CXCL13: variants seen among roughly 807,000 people sequenced by gnomAD.
CXCL13 encodes the protein C-X-C motif chemokine 13.
A neutral mutation model predicts 12.2 loss-of-function variants in CXCL13; 7 were observed. The ratio of observed to expected loss-of-function variants is 0.57; its 90% CI spans 0.33 to 1.07. The LOEUF (loss-of-function observed/expected upper bound fraction) is 1.07, where lower values mean the gene tolerates loss of function less well. Among genes scored for constraint, CXCL13 ranks in the 50% least tolerant of loss-of-function variants. The pLI is 0.04. For synonymous variants in CXCL13, 47 were observed against 42.4 expected (o/e 1.11, Z -0.42); for missense variants, 113 against 127.4 (o/e 0.89, Z 0.55).
intron 1 of CXCL13, among the ~76,000 whole-genome samples, chr4:77,528,896 G>T (rs953471719): frequency 6.6e-6 from 1 of 152,314 alleles, no homozygotes; most frequent in East Asian, 1.9e-4. Context: ...TTCTTCTAGG[G>T]TTTAAATGGT....
intron 1 of CXCL13, among the ~76,000 whole-genome samples, chr4:77,533,694 A>T (rs1046253816): frequency 2.0e-5 from 3 of 152,110 alleles, no homozygotes; most frequent in Non-Finnish European, 4.4e-5. Context: ...AGTTCGAGCT[A>T]CCAGGCCGCT....
Position 77,605,884 on chromosome 4 carries a change from TC to T in CXCL13, c.20del (p.Ser7PhefsTer25). On this transcript the variant is annotated frameshift_variant, in exon 1 of 4. Coordinates refer to ENST00000682537, the MANE Select transcript of CXCL13 (RefSeq NM_001371558.1). LOFTEE classifies it high-confidence loss of function. ...AGACAGAATGAAGTTCATCTCGACA[TC>T]TCTGCTTCTCATGCTGCTGGTCAGC... MKFIST[S>X]LLLMLLVSSL... The T allele has an allele frequency of 6.2e-7, 1 of 1,607,370 alleles. No individual in the cohort carries two copies. Among genetic ancestry groups the T allele is most frequent in the Non-Finnish European group, 8.5e-7 (1 of 1,175,924 alleles).
chr4:77,611,633 A>G lies in CXCL13; in HGVS notation c.*594A>G, dbSNP rs184565850. ...GCATTCGAAGATCCCCAGACTTCAT[A>G]GAATACTCAGGGAAAGCATTTAAAG... On this transcript the variant is annotated 3_prime_UTR_variant, in exon 4 of 4. Coordinates refer to ENST00000682537, the MANE Select transcript of CXCL13 (RefSeq NM_001371558.1). 3.6e-4 allele frequency: 145 copies of G among 398,996 alleles called. No homozygotes were observed. Among genetic ancestry groups the G allele is most frequent in the African/African-American group, 2.5e-3 (124 of 48,748 alleles). 24.7% of individuals were successfully genotyped at this position (398,996 alleles called of 1,614,324 possible).
intron 1 of CXCL13, among the ~76,000 whole-genome samples, chr4:77,568,728 G>A (rs946764694): frequency 2.4e-4 from 37 of 152,080 alleles, no homozygotes; most frequent in Middle Eastern, 3.4e-3. Context: ...TGGGCTTTTC[G>A]GCATTTGGTT....
intron 1 of CXCL13, among the ~76,000 whole-genome samples, chr4:77,569,599 C>G (rs908825342): frequency 1.3e-5 from 2 of 152,146 alleles, no homozygotes; most frequent in Non-Finnish European, 2.9e-5. Context: ...AGGAGACCTA[C>G]AAGATACTGC....
At chr4:77,544,915 A>G (rs1398293478) in intron 1 of CXCL13, among the ~76,000 whole-genome samples, 1 of 152,158 alleles carries the variant, frequency 6.6e-6, no homozygotes, top group Non-Finnish European at 1.5e-5. Context: ...TCTTGAATTA[A>G]TTTTTGTATA....
chr4:77,572,997 T>C (rs1726124392), intron 1 of CXCL13, among the ~76,000 whole-genome samples: 1 of 151,754 alleles, frequency 6.6e-6, no homozygotes. Flanking sequence ...AAAAACTGAA[T>C]ACCACATGTT....
intron 1 of CXCL13, among the ~76,000 whole-genome samples, chr4:77,576,242 G>T (rs895573963): frequency 6.6e-6 from 1 of 152,164 alleles, no homozygotes; most frequent in African/African-American, 2.4e-5. Context: ...ATAGAAAACT[G>T]AAGTAATGTT....
intron 1 of CXCL13, among the ~76,000 whole-genome samples, chr4:77,585,188 C>T (rs1157231238): frequency 6.6e-6 from 1 of 152,162 alleles, no homozygotes; most frequent in African/African-American, 2.4e-5. Context: ...TGAAACCTGG[C>T]TTTAAAAATT....
chr4:77,543,277 G>A (rs1320279591), intron 1 of CXCL13, among the ~76,000 whole-genome samples: 1 of 151,782 alleles, frequency 6.6e-6, no homozygotes, highest in Non-Finnish European at 1.5e-5. Flanking sequence ...GTAGTCTAGT[G>A]TCTATCAATC....
chr4:77,551,757 A>G (rs115468438), intron 1 of CXCL13, among the ~76,000 whole-genome samples: 6 of 152,224 alleles, frequency 3.9e-5, no homozygotes, highest in Non-Finnish European at 8.8e-5. Flanking sequence ...ACATAATCCC[A>G]TGTTTCTCAA....
At chr4:77,542,158 C>T (rs935837785) in intron 1 of CXCL13, among the ~76,000 whole-genome samples, 4 of 152,044 alleles carry the variant, frequency 2.6e-5, no homozygotes, top group African/African-American at 7.2e-5. Context: ...TCAGAGAAGA[C>T]AGATAGTTTG....
intron 1 of CXCL13, among the ~76,000 whole-genome samples, chr4:77,579,723 T>G (rs1472986688): frequency 6.6e-6 from 1 of 152,180 alleles, no homozygotes; most frequent in East Asian, 1.9e-4. Context: ...TTAAAAATGA[T>G]GTACTCAGCT....
At chr4:77,527,484 TA>T (rs1724796647) in intron 1 of CXCL13, among the ~76,000 whole-genome samples, 1 of 151,932 alleles carries the variant, frequency 6.6e-6, no homozygotes, top group Non-Finnish European at 1.5e-5. Flanking sequence ...ATACAAAAAT[TA>T]ACCATGTGTG....
At chr4:77,553,106 C>T (rs988311941) in intron 1 of CXCL13, among the ~76,000 whole-genome samples, 3 of 152,120 alleles carry the variant, frequency 2.0e-5, no homozygotes, top group African/African-American at 7.2e-5. Flanking sequence ...GATTGGTGTA[C>T]CCAGCAATGA....
chr4:77,552,105 G>T (rs750737278), intron 1 of CXCL13, among the ~76,000 whole-genome samples: 1 of 152,056 alleles, frequency 6.6e-6, no homozygotes, highest in African/African-American at 2.4e-5. Context: ...TTTGGTTAGG[G>T]TCCTTCGCTG....
chr4:77,569,950 G>C (rs551164376), intron 1 of CXCL13, among the ~76,000 whole-genome samples: 1 of 152,282 alleles, frequency 6.6e-6, no homozygotes, highest in South Asian at 2.1e-4. Flanking sequence ...GAACAGAATA[G>C]AGAAGCAAGA....
At chr4:77,558,839 TG>T (rs1356319449) in intron 1 of CXCL13, among the ~76,000 whole-genome samples, 1 of 152,252 alleles carries the variant, frequency 6.6e-6, no homozygotes, top group Admixed American at 6.5e-5. Flanking sequence ...TCTTATTTTC[TG>T]GGCTTGATCC....
intron 1 of CXCL13, among the ~76,000 whole-genome samples, chr4:77,579,855 G>T (rs921220139): frequency 2.0e-5 from 3 of 152,192 alleles, no homozygotes; most frequent in Non-Finnish European, 2.9e-5. Context: ...CTGCTTTTTT[G>T]CCTGTTATGA....
Sources: allele counts gnomAD v4.1 joint callset (sites outside exome capture counted in the v4.1 genomes callset), GRCh38; gene constraint gnomAD v4.1.1; transcripts MANE v1.5; gene names NCBI Gene and HGNC (gene_info 2026-07-23, HGNC 2026-07-21).